Variants in MVB12B observed in about 807,000 individuals in gnomAD.
The protein encoded by MVB12B is multivesicular body subunit 12B.
MVB12B carries 16 observed loss-of-function variants against 41.6 expected under a neutral mutation model. The observed-to-expected ratio is 0.38, with a 90% CI of 0.26 to 0.58. MVB12B has a LOEUF of 0.58. Ranked by LOEUF, MVB12B falls within the 20% of genes least tolerant of loss-of-function variation. The pLI is 0.62. For synonymous variants in MVB12B, 133 were observed against 139.7 expected (o/e 0.95, Z 0.34); for missense variants, 274 against 380.2 (o/e 0.72, Z 2.32).
intron 7 of MVB12B, among the ~76,000 whole-genome samples, chr9:126,445,127 G>A (rs1832734344): frequency 6.6e-6 from 1 of 152,052 alleles, no homozygotes. Flanking sequence ...GAAGTTATAA[G>A]TCAATTTGGG....
intron 6 of MVB12B, among the ~76,000 whole-genome samples, chr9:126,415,010 A>G (rs759695567): frequency 1.3e-4 from 20 of 151,956 alleles, no homozygotes; most frequent in Non-Finnish European, 2.5e-4. Flanking sequence ...GATTATAGGC[A>G]TGAGCCCCCA....
At chr9:126,467,430 G>A (rs1199995100) in intron 7 of MVB12B, among the ~76,000 whole-genome samples, 2 of 152,186 alleles carry the variant, frequency 1.3e-5, no homozygotes, top group African/African-American at 4.8e-5. Flanking sequence ...GTGCTGTGTA[G>A]CAGGTTTCTT....
chr9:126,442,043 A>G (rs1832653645), intron 7 of MVB12B, among the ~76,000 whole-genome samples: 1 of 152,220 alleles, frequency 6.6e-6, no homozygotes, highest in Non-Finnish European at 1.5e-5. Flanking sequence ...TAGCTAGCCC[A>G]TAATCATCTC....
intron 6 of MVB12B, among the ~76,000 whole-genome samples, chr9:126,407,814 T>TA (rs1028236379): frequency 2.0e-5 from 3 of 151,990 alleles, no homozygotes; most frequent in Admixed American, 6.6e-5. Flanking sequence ...TTATTGTACT[T>TA]AAAAAAAAGA....
At chr9:126,447,247 AC>A (rs1353920663) in intron 7 of MVB12B, among the ~76,000 whole-genome samples, 8 of 125,828 alleles carry the variant, frequency 6.4e-5, no homozygotes, top group African/African-American at 2.6e-4. Flanking sequence ...GCCCCCAGCC[AC>A]CTTTTTTTTT....
At chr9:126,399,002 G>A (rs150998591) in intron 6 of MVB12B, among the ~76,000 whole-genome samples, 191 of 152,340 alleles carry the variant, frequency 1.3e-3, no homozygotes, top group African/African-American at 4.5e-3. Flanking sequence ...TGCCTTCTCT[G>A]TCCAAAAGCA....
intron 7 of MVB12B, among the ~76,000 whole-genome samples, chr9:126,443,672 T>C (rs1315382761): frequency 6.6e-6 from 1 of 152,274 alleles, no homozygotes; most frequent in Non-Finnish European, 1.5e-5. Flanking sequence ...CACTTAAAAG[T>C]GTATGTCTAC....
At chr9:126,357,354 A>G (rs1019232821) in intron 2 of MVB12B, among the ~76,000 whole-genome samples, 2 of 152,186 alleles carry the variant, frequency 1.3e-5, no homozygotes, top group South Asian at 2.1e-4. Flanking sequence ...TTCATTTCCT[A>G]TGGATAAATA....
At chr9:126,452,436 T>C (rs770729981) in intron 7 of MVB12B, among the ~76,000 whole-genome samples, 3 of 152,100 alleles carry the variant, frequency 2.0e-5, no homozygotes, top group Non-Finnish European at 4.4e-5. Context: ...GCCCACGGGG[T>C]TGCCTGGGAG....
intron 2 of MVB12B, among the ~76,000 whole-genome samples, chr9:126,378,646 CTCTCTCTT>C (rs1830552599): frequency 6.6e-6 from 1 of 152,114 alleles, no homozygotes; most frequent in African/African-American, 2.4e-5. Flanking sequence ...CTCTCTCTCT[CTCTCTCTT>C]TCTTTCTTCC....
intron 4 of MVB12B, among the ~76,000 whole-genome samples, chr9:126,390,036 C>T (rs1462213909): frequency 6.6e-6 from 1 of 152,166 alleles, no homozygotes; most frequent in African/African-American, 2.4e-5. Flanking sequence ...ACTCCCGGCC[C>T]CTATAAGAAA....
intron 2 of MVB12B, among the ~76,000 whole-genome samples, chr9:126,343,753 T>C (rs1829512028): frequency 6.6e-6 from 1 of 152,082 alleles, no homozygotes; most frequent in South Asian, 2.1e-4. Context: ...CCATCTCTAC[T>C]AAAAATACAA....
intron 2 of MVB12B, among the ~76,000 whole-genome samples, chr9:126,351,791 G>A (rs1829756518): frequency 6.6e-6 from 1 of 152,148 alleles, no homozygotes; most frequent in Admixed American, 6.5e-5. Context: ...CCTGGCCCCA[G>A]TCTTTCACTC....
At chr9:126,347,979 C>G (rs1829645292) in intron 2 of MVB12B, among the ~76,000 whole-genome samples, 1 of 152,210 alleles carries the variant, frequency 6.6e-6, no homozygotes, top group African/African-American at 2.4e-5. Flanking sequence ...TCCTGGAACT[C>G]TGCCTCCATG....
At chr9:126,443,792 A>G (rs777328848) in intron 7 of MVB12B, among the ~76,000 whole-genome samples, 3 of 152,234 alleles carry the variant, frequency 2.0e-5, no homozygotes, top group Non-Finnish European at 4.4e-5. Flanking sequence ...GACCAATGTC[A>G]AACTACAGGA....
Position 126,503,876 on chromosome 9 carries a change from C to G in MVB12B, c.*613C>G, listed in dbSNP as rs1288677570. ...ATCCCATGGACTTGTCACCCAGTCGCCTGGAAGTCGGGGAGCAGCACCCCT... is the reference window on the plus strand; with the variant it reads ...ATCCCATGGACTTGTCACCCAGTCGGCTGGAAGTCGGGGAGCAGCACCCCT... On this transcript the variant is annotated 3_prime_UTR_variant, in exon 10 of 10. Coordinates refer to ENST00000361171, the MANE Select transcript of MVB12B (RefSeq NM_033446.3). 1 of 152,378 alleles carries G rather than the reference C, an allele frequency of 6.6e-6. No homozygotes were observed. The highest frequency in any genetic ancestry group is 1.5e-5 in the Non-Finnish European group (1 of 68,190). The allele number at this position is 152,378 out of a possible 1,614,324, so 9.4% of individuals were successfully genotyped here.
At position 126,392,287 on chromosome 9, in the gene MVB12B, GC is replaced by G. The variant is rs1188574572; in HGVS notation, c.539+98del. Reference sequence around the variant, plus strand: ...ATGAGGTCCAAGAGATTTCCATGCAGCCCCCCAGGCTCTCAGCCATGGGCCT... The same window carrying G: ...ATGAGGTCCAAGAGATTTCCATGCAGCCCCCAGGCTCTCAGCCATGGGCCT... On this transcript the variant is annotated intron_variant, in intron 5 of 9. Transcript: ENST00000361171. This position sits in a 1 kb window ranked among gnomAD's most constrained non-coding sequence, Gnocchi z 4.8. The G allele has an allele frequency of 2.1e-6, 3 of 1,459,646 alleles. No homozygotes were observed. The highest frequency in any genetic ancestry group is 2.8e-6 in the Non-Finnish European group (3 of 1,058,320). The allele number at this position is 1,459,646 out of a possible 1,614,324, so 90.4% of individuals were successfully genotyped here. A position where few individuals can be genotyped will look rare whatever the true frequency, so the allele number is the denominator to read the frequency against.
intron 3 of MVB12B, among the ~76,000 whole-genome samples, chr9:126,383,916 G>A (rs941433399): frequency 6.6e-6 from 1 of 151,704 alleles, no homozygotes; most frequent in Non-Finnish European, 1.5e-5. Context: ...CATTGGTAGA[G>A]TGTGTGGAGG....
rs551544247 is a variant in MVB12B at position 126,503,970 on chromosome 9, C to T, written c.*707C>T. 2 of 152,386 alleles carry T rather than the reference C, an allele frequency of 1.3e-5. No homozygotes were observed. The highest frequency in any genetic ancestry group is 4.8e-5 in the African/African-American group (2 of 41,454). The allele number at this position is 152,386 out of a possible 1,614,324, so 9.4% of individuals were successfully genotyped here. On this transcript the variant is annotated 3_prime_UTR_variant, in exon 10 of 10. Transcript: ENST00000361171. ...TGACGGCCCTGCTTGGATCCACCACCAGGACGCTGTGCTCGGCCATGGCGC... is the reference window on the plus strand; with the variant it reads ...TGACGGCCCTGCTTGGATCCACCACTAGGACGCTGTGCTCGGCCATGGCGC...
Sources: gnomAD v4.1 joint callset for allele counts (sites outside exome capture counted in the v4.1 genomes callset) on GRCh38, gnomAD v4.1.1 for gene constraint, Gnocchi (gnomAD v3.1) non-coding constraint, MANE v1.5 for transcripts, NCBI Gene and HGNC (gene_info 2026-07-23, HGNC 2026-07-21) for gene names.